The following SYCP2 variants were observed in gnomAD, a reference collection of about 807,000 sequenced individuals.
The protein encoded by SYCP2 is synaptonemal complex protein 2.
SYCP2 carries 55 observed loss-of-function variants against 211.3 expected under a neutral mutation model. That is an observed-to-expected ratio of 0.26 (90% confidence interval 0.21 to 0.33). The LOEUF is 0.33. SYCP2 is among the 10% of genes least tolerant of loss of function. SYCP2 has a pLI of 1.00. For missense variants in SYCP2, 1,731 were observed against 1,752.0 expected (o/e 0.99, Z 0.21); for synonymous variants, 570 against 555.2 (o/e 1.03, Z -0.37).
intron 16 of SYCP2, 136 bp downstream of exon 16, chr20:59,901,522 CTCTT>C: frequency 1.9e-6 from 1 of 539,420 alleles, no homozygotes; most frequent in Non-Finnish European, 3.2e-6. Context: ...AAGCTGATGA[CTCTT>C]CAACAGTACA....
In SYCP2 at chr20:59,892,250, A is replaced by G; in HGVS notation, c.2104T>C (p.Tyr702His). The change falls in exon 24 of 45, where the codon TAT becomes CAT. Residue 702 changes from tyrosine to histidine, a missense_variant. Tyr to His is a moderately conservative substitution (Grantham distance 83, BLOSUM62 2). Transcript: ENST00000357552. ...TTTTCAGTATTTTTCTGCCCTGAATATTTAGGATGATTTTGTTGCTGATTG... is the reference window on the plus strand; with the variant it reads ...TTTTCAGTATTTTTCTGCCCTGAATGTTTAGGATGATTTTGTTGCTGATTG... ...KHNQQQNHPKYSGQKNTENAK... is the reference protein window; with the variant it reads ...KHNQQQNHPKHSGQKNTENAK... The G allele has an allele frequency of 2.5e-6, 4 of 1,612,850 alleles. No homozygotes were observed. The highest frequency in any genetic ancestry group is 2.5e-6 in the Non-Finnish European group (3 of 1,179,256).
intron 14 of SYCP2, among the ~76,000 whole-genome samples, chr20:59,911,103 T>C (rs1320399691): frequency 1.3e-5 from 2 of 152,226 alleles, no homozygotes; most frequent in African/African-American, 4.8e-5. Flanking sequence ...TAGTAAATGC[T>C]GATCAACTCT....
intron 2 of SYCP2, among the ~76,000 whole-genome samples, chr20:59,931,427 T>C (rs568343328): frequency 1.6e-4 from 24 of 152,346 alleles, no homozygotes; most frequent in African/African-American, 5.1e-4. Context: ...CATGTAGTTT[T>C]CTGTTTTGAT....
At chr20:59,871,948 G>A (rs1442868801) in intron 35 of SYCP2, among the ~76,000 whole-genome samples, 1 of 151,110 alleles carries the variant, frequency 6.6e-6, no homozygotes, top group East Asian at 1.9e-4. Context: ...AGGATCACAG[G>A]AGAATTTGTG....
intron 31 of SYCP2, among the ~76,000 whole-genome samples, chr20:59,878,740 C>T (rs369956083): frequency 5.9e-5 from 9 of 152,144 alleles, no homozygotes; most frequent in South Asian, 2.1e-4. Context: ...TAATATCCTA[C>T]GATTTATTTT....
chr20:59,929,651 C>A (rs943923039), intron 2 of SYCP2, among the ~76,000 whole-genome samples: 13 of 151,738 alleles, frequency 8.6e-5, no homozygotes, highest in African/African-American at 1.2e-4. Context: ...AATAGAAATT[C>A]TTTATGTAAA....
In SYCP2 at chr20:59,864,307, G is replaced by C. The variant is rs778427837; in HGVS notation, c.*4C>G. ...AGATAAAGTATGGTGATAAAAACTAGATTTCACACATTAGCATTTCTTTCA... is the reference window on the plus strand; with the variant it reads ...AGATAAAGTATGGTGATAAAAACTACATTTCACACATTAGCATTTCTTTCA... On this transcript the variant is annotated 3_prime_UTR_variant, in exon 45 of 45. Coordinates refer to ENST00000357552, the MANE Select transcript of SYCP2 (RefSeq NM_014258.4). 1.3e-6 allele frequency: 2 copies of C among 1,581,192 alleles called. No homozygotes were observed. Among genetic ancestry groups the C allele is most frequent in the East Asian group, 2.3e-5 (1 of 44,390 alleles).
chr20:59,886,536 CCTT>C (rs1460446155), intron 25 of SYCP2, among the ~76,000 whole-genome samples, 168 bp downstream of exon 25: 32 of 151,670 alleles, frequency 2.1e-4, no homozygotes, highest in African/African-American at 6.8e-4. Context: ...AATTTAGTTC[CCTT>C]CTTGTGTAAT....
intron 31 of SYCP2, among the ~76,000 whole-genome samples, chr20:59,879,495 CAG>C (rs2059625049): frequency 6.6e-6 from 1 of 151,800 alleles, no homozygotes; most frequent in African/African-American, 2.4e-5. Flanking sequence ...TTGAAAAGCA[CAG>C]AGTTAAGTCT....
chr20:59,867,945 T>C lies in SYCP2; in HGVS notation c.3989-98A>G. ...AACAAAATCTATCTTATTTTCCGAA[T>C]CTATGTGTAACCTAAGGATTATGAA... On this transcript the variant is annotated intron_variant, in intron 38 of 44. Transcript: ENST00000357552. The C allele has an allele frequency of 3.6e-6, 3 of 842,502 alleles. No homozygotes were observed. The South Asian group carries it at 5.5e-5, about 15-fold the overall frequency. The allele number at this position is 842,502 out of a possible 1,614,324, so 52.2% of individuals were successfully genotyped here. A position where few individuals can be genotyped will look rare whatever the true frequency, so the allele number is the denominator to read the frequency against.
chr20:59,906,676 A>G (rs1052926118), intron 15 of SYCP2, among the ~76,000 whole-genome samples: 7 of 152,154 alleles, frequency 4.6e-5, no homozygotes, highest in Non-Finnish European at 8.8e-5. Context: ...AACCATAAAA[A>G]TAGATCAAGT....
At chr20:59,926,285 C>T (rs527334859) in intron 2 of SYCP2, among the ~76,000 whole-genome samples, 48 of 152,070 alleles carry the variant, frequency 3.2e-4, no homozygotes, top group African/African-American at 1.1e-3. Flanking sequence ...CTTAGAACAG[C>T]AGAAATTATC....
chr20:59,888,552 G>A (rs1385364236), intron 24 of SYCP2, among the ~76,000 whole-genome samples: 1 of 151,998 alleles, frequency 6.6e-6, no homozygotes, highest in Non-Finnish European at 1.5e-5. Flanking sequence ...CACACTTAAT[G>A]GTGAGAAACG....
At chr20:59,908,299 T>C (rs923034487) in intron 14 of SYCP2, among the ~76,000 whole-genome samples, 1 of 152,110 alleles carries the variant, frequency 6.6e-6, no homozygotes, top group African/African-American at 2.4e-5. Flanking sequence ...CTAAATACTT[T>C]TGTTATTTAA....
At chr20:59,865,923 C>A in intron 41 of SYCP2, 58 bp from the exon 42 acceptor site, 2 of 740,476 alleles carry the variant, frequency 2.7e-6, no homozygotes, top group South Asian at 2.7e-5. Flanking sequence ...AAAATAAAAT[C>A]CAGTTAAACT....
chr20:59,888,526 C>A (rs958492250), intron 24 of SYCP2, among the ~76,000 whole-genome samples: 10 of 151,984 alleles, frequency 6.6e-5, no homozygotes, highest in Non-Finnish European at 1.2e-4. Flanking sequence ...TCTACAAAAA[C>A]AGTTACAGCT....
At chr20:59,887,065 A>T (rs556344987) in intron 24 of SYCP2, among the ~76,000 whole-genome samples, 1 of 152,256 alleles carries the variant, frequency 6.6e-6, no homozygotes, top group East Asian at 1.9e-4. Context: ...GATTTGTTAC[A>T]CATGTATACA....
chr20:59,865,716 T>C (rs2059318425), intron 42 of SYCP2, 65 bp from the exon 43 acceptor site: 6 of 1,074,898 alleles, frequency 5.6e-6, no homozygotes, highest in Admixed American at 5.7e-5. Context: ...TGCTATAATA[T>C]AGTATATATA....
At chr20:59,884,211 G>T (rs1468856183) in intron 26 of SYCP2, among the ~76,000 whole-genome samples, 1 of 151,750 alleles carries the variant, frequency 6.6e-6, no homozygotes, top group Non-Finnish European at 1.5e-5. Context: ...ACTCTCATTT[G>T]CTTTAAACTC....
Sources: gnomAD v4.1 joint callset for allele counts (sites outside exome capture counted in the v4.1 genomes callset) on GRCh38, gnomAD v4.1.1 for gene constraint, MANE v1.5 for transcripts, NCBI Gene and HGNC (gene_info 2026-07-23, HGNC 2026-07-21) for gene names.